The following CACNG7 variants were observed in gnomAD, a reference collection of about 807,000 sequenced individuals.
CACNG7 encodes voltage-dependent calcium channel gamma-7 subunit.
A neutral mutation model predicts 26.3 loss-of-function variants in CACNG7; 9 were observed. That is an observed-to-expected ratio of 0.34 (90% confidence interval 0.21 to 0.60). The LOEUF (loss-of-function observed/expected upper bound fraction) is 0.60, where lower values mean the gene tolerates loss of function less well. Ranked by LOEUF, CACNG7 falls within the 20% of genes least tolerant of loss-of-function variation. CACNG7 has a pLI of 0.81. For synonymous variants in CACNG7, 170 were observed against 157.0 expected (o/e 1.08, Z -0.62); for missense variants, 297 against 380.4 (o/e 0.78, Z 1.82).
Position 53,915,019 on chromosome 19 carries a change from AAT to A in CACNG7, c.284-344_284-343del, listed in dbSNP as rs763219026. ...AGACTCTGTCTCAAAAAAAAAAATA[AAT>A]AAAAGGAAGGAAGAAAGAAAGAAGG... is the stretch of plus-strand genomic sequence containing the variant. On this transcript the variant is annotated intron_variant, in intron 3 of 5. Coordinates refer to ENST00000391767, the MANE Select transcript of CACNG7 (RefSeq NM_031896.5). Among the ~76,000 whole-genome samples the A allele has an allele frequency of 6.3e-4, 96 of 151,214 alleles. 12 individuals carry two copies. Among genetic ancestry groups the A allele is most frequent in the South Asian group, 6.3e-4 (3 of 4,784 alleles).
chr19:53,926,641 G>A (rs907257317), intron 4 of CACNG7, among the ~76,000 whole-genome samples: 8 of 152,080 alleles, frequency 5.3e-5, no homozygotes, highest in African/African-American at 1.2e-4. Context: ...GGCCAGGTGC[G>A]GTGGCTCATG....
rs79882018 is a variant in CACNG7, at chr19:53,935,996, C to T, written c.425-5474C>T. ...TGATTCAGAATCCAATCTAAGATCA[C>T]GCTTTGCATTTCCCTATTGTGTCTC... On this transcript the variant is annotated intron_variant, in intron 4 of 5. Coordinates refer to ENST00000391767, the MANE Select transcript of CACNG7 (RefSeq NM_031896.5). Among the ~76,000 whole-genome samples the T allele has an allele frequency of 6.6e-3, 1,000 of 151,698 alleles. 11 individuals carry two copies. Among genetic ancestry groups the T allele is most frequent in the African/African-American group, 0.023 (958 of 41,396 alleles).
intron 4 of CACNG7, among the ~76,000 whole-genome samples, chr19:53,918,474 T>G (rs1185935653): frequency 2.6e-5 from 4 of 152,200 alleles, no homozygotes; most frequent in Non-Finnish European, 5.9e-5. Flanking sequence ...TTTTGATTTT[T>G]TTTTAAATCA....
In CACNG7 at chr19:53,942,615, A is replaced by T. The variant is rs1170320699; in HGVS notation, c.*322A>T. On this transcript the variant is annotated 3_prime_UTR_variant, in exon 6 of 6. Transcript: ENST00000391767. This position sits in a 1 kb window ranked among gnomAD's most constrained non-coding sequence, Gnocchi z 5.9. ...CCTCCCTCGTTCTCCACCTGCTCTG[A>T]GCTGGGAGCAGCCAGAGGCGGTGCA... 1 of 1,204,198 alleles carries T rather than the reference A, an allele frequency of 8.3e-7. No homozygotes were observed. Among genetic ancestry groups the T allele is most frequent in the Non-Finnish European group, 1.0e-6 (1 of 960,926 alleles). 74.6% of individuals were successfully genotyped at this position (1,204,198 alleles called of 1,614,324 possible). A position where few individuals can be genotyped will look rare whatever the true frequency, so the allele number is the denominator to read the frequency against.
At chr19:53,918,366 G>A (rs1004745179) in intron 4 of CACNG7, among the ~76,000 whole-genome samples, 1 of 152,222 alleles carries the variant, frequency 6.6e-6, no homozygotes, top group African/African-American at 2.4e-5. Flanking sequence ...AAAGCTGCCA[G>A]GTGTAAGCAA....
In CACNG7 at chr19:53,912,020, G is replaced by A. The variant is rs2068865119; in HGVS notation, c.-29-783G>A. Among the ~76,000 whole-genome samples the A allele has an allele frequency of 6.6e-6, 1 of 152,148 alleles. No individual in the cohort carries two copies. Among genetic ancestry groups the A allele is most frequent in the South Asian group, 2.1e-4 (1 of 4,822 alleles). ...TGACCCACTTTGGGAATTTCTGGATGTAGTTCAGAGACAGGGTGCAAGAAA... is the reference window on the plus strand; with the variant it reads ...TGACCCACTTTGGGAATTTCTGGATATAGTTCAGAGACAGGGTGCAAGAAA... On this transcript the variant is annotated intron_variant, in intron 1 of 5. Coordinates refer to ENST00000391767, the MANE Select transcript of CACNG7 (RefSeq NM_031896.5). The surrounding 1 kb of genome is among the most constrained non-coding windows in gnomAD (Gnocchi z 4.6).
intron 4 of CACNG7, among the ~76,000 whole-genome samples, chr19:53,929,440 A>T (rs1246124703): frequency 6.6e-6 from 1 of 152,010 alleles, no homozygotes; most frequent in Non-Finnish European, 1.5e-5. Context: ...ATGCTTCATG[A>T]TCATTCTCTT....
intron 4 of CACNG7, among the ~76,000 whole-genome samples, chr19:53,936,360 C>T (rs1295326270): frequency 6.6e-6 from 1 of 152,122 alleles, no homozygotes; most frequent in Non-Finnish European, 1.5e-5. Flanking sequence ...ATAAAGGAAG[C>T]TTTTTATCTC....
intron 4 of CACNG7, among the ~76,000 whole-genome samples, chr19:53,929,534 G>A (rs899446067): frequency 2.0e-5 from 3 of 152,052 alleles, no homozygotes; most frequent in African/African-American, 4.8e-5. Flanking sequence ...TCAGCTCACC[G>A]CAACCTCCAC....
intron 5 of CACNG7, 146 bp from the exon 6 acceptor site, chr19:53,941,890 A>G: frequency 8.6e-7 from 1 of 1,164,144 alleles, no homozygotes; most frequent in East Asian, 2.7e-5. Context: ...TCCCGGGGAA[A>G]GAGAGGGCTG....
At chr19:53,930,098 G>C (rs1380076004) in intron 4 of CACNG7, among the ~76,000 whole-genome samples, 2 of 146,436 alleles carry the variant, frequency 1.4e-5, no homozygotes, top group Non-Finnish European at 3.0e-5. Flanking sequence ...AAAAAAGCAG[G>C]TTAGGAGGAG....
chr19:53,941,591 C>G lies in CACNG7; in HGVS notation c.546C>G (p.Ala182=). 1.2e-6 allele frequency: 2 copies of G among 1,611,986 alleles called. No individual in the cohort carries two copies. Among genetic ancestry groups the G allele is most frequent in the South Asian group, 1.1e-5 (1 of 90,720 alleles). ...GCTACGGGTGGTCTTTTGCCTTCGCCGCTTCCTCCTTCCTACTCAAAGAGG... is the reference window on the plus strand; with the variant it reads ...GCTACGGGTGGTCTTTTGCCTTCGCGGCTTCCTCCTTCCTACTCAAAGAGG... The part of the protein sequence containing the change: ...HYRYGWSFAF[A]ASSFLLKEGA... The change falls in exon 5 of 6, where the codon GCC becomes GCG. Residue 182 remains alanine, a synonymous_variant. Coordinates refer to ENST00000391767, the MANE Select transcript of CACNG7 (RefSeq NM_031896.5).
At chr19:53,926,336 C>T (rs746774144) in intron 4 of CACNG7, among the ~76,000 whole-genome samples, 1 of 151,982 alleles carries the variant, frequency 6.6e-6, no homozygotes, top group Non-Finnish European at 1.5e-5. Flanking sequence ...TGGCCTCATT[C>T]TTCTCCTTGA....
chr19:53,941,493 G>C lies in CACNG7; in HGVS notation c.448G>C (p.Val150Leu). The change falls in exon 5 of 6, where the codon GTT (valine) becomes CTT (leucine). Residue 150 changes from valine (V) to leucine (L), a missense_variant. Coordinates refer to ENST00000391767, the MANE Select transcript of CACNG7 (RefSeq NM_031896.5). ...LSGLSLVVGL[V>L]LYISSINDEV... ...AGGCCTCTCCTTGGTGGTGGGCTTG[G>C]TTCTTTACATCTCCAGCATCAACGA... 9 of 1,586,768 alleles carry C rather than the reference G, an allele frequency of 5.7e-6. No homozygotes were observed. Among genetic ancestry groups the C allele is most frequent in the Non-Finnish European group, 7.7e-6 (9 of 1,170,100 alleles).
At chr19:53,931,412 C>A (rs911890708) in intron 4 of CACNG7, among the ~76,000 whole-genome samples, 1 of 151,380 alleles carries the variant, frequency 6.6e-6, no homozygotes, top group African/African-American at 2.4e-5. Flanking sequence ...TTTGGCTGGG[C>A]GCAGTGGCTC....
At chr19:53,922,442 G>A (rs1202536442) in intron 4 of CACNG7, among the ~76,000 whole-genome samples, 1 of 121,990 alleles carries the variant, frequency 8.2e-6, no homozygotes, top group Non-Finnish European at 1.7e-5. Context: ...GTCATTGGTG[G>A]AGTTGTCCCA....
intron 4 of CACNG7, among the ~76,000 whole-genome samples, chr19:53,933,803 T>C (rs1599997514): frequency 6.6e-6 from 1 of 152,228 alleles, no homozygotes; most frequent in South Asian, 2.1e-4. Context: ...TTGAGTGTCA[T>C]TAGCTTGCTC....
intron 4 of CACNG7, among the ~76,000 whole-genome samples, chr19:53,934,380 A>G (rs1244236666): frequency 6.6e-6 from 1 of 152,208 alleles, no homozygotes; most frequent in African/African-American, 2.4e-5. Context: ...GGGAGCAAAT[A>G]ATGTCAGGTT....
chr19:53,923,576 T>C lies in CACNG7; in HGVS notation c.424+8071T>C, dbSNP rs1461088821. On this transcript the variant is annotated intron_variant, in intron 4 of 5. Transcript: ENST00000391767. Reference sequence around the variant, plus strand: ...CCAGGTCTGGTCATTGGTGGAGTTGTCCCAGGCTGGTCATTGGTGGAGTTG... The same window carrying C: ...CCAGGTCTGGTCATTGGTGGAGTTGCCCCAGGCTGGTCATTGGTGGAGTTG... Among the ~76,000 whole-genome samples, 713 of 82,598 alleles carry C rather than the reference T, an allele frequency of 8.6e-3. 15 individuals carry two copies. The highest frequency in any genetic ancestry group is 0.011 in the Non-Finnish European group (441 of 39,702). 54.2% of individuals were successfully genotyped at this position (82,598 alleles called of 152,430 possible). A position where few individuals can be genotyped will look rare whatever the true frequency, so the allele number is the denominator to read the frequency against.
Sources: gnomAD v4.1 joint callset for allele counts (sites outside exome capture counted in the v4.1 genomes callset) on GRCh38, gnomAD v4.1.1 for gene constraint, Gnocchi (gnomAD v3.1) non-coding constraint, MANE v1.5 for transcripts, NCBI Gene and HGNC (gene_info 2026-07-23, HGNC 2026-07-21) for gene names.